Variants in CFDP1 observed in about 807,000 individuals in gnomAD.
CFDP1 encodes the protein heterochromatin-stabilizing protein CFDP1.
A neutral mutation model predicts 40.1 loss-of-function variants in CFDP1; 31 were observed. The ratio of observed to expected loss-of-function variants is 0.77; its 90% CI spans 0.58 to 1.04. CFDP1 has a LOEUF of 1.04. Among genes scored for constraint, CFDP1 ranks in the 50% least tolerant of loss-of-function variants. The probability of loss-of-function intolerance (pLI) is 0.00; values close to 1 mark genes in which losing one functional copy is unlikely to be tolerated. For missense variants in CFDP1, 423 were observed against 343.4 expected (o/e 1.23, Z -1.83); for synonymous variants, 167 against 120.0 (o/e 1.39, Z -2.56).
At chr16:75,401,428 C>CAAAAA (rs35178768) in intron 4 of CFDP1, among the ~76,000 whole-genome samples, 1 of 92,498 alleles carries the variant, frequency 1.1e-5, no homozygotes. Context: ...GACTCCGTCT[C>CAAAAA]AAAAAAAAAA....
intron 5 of CFDP1, among the ~76,000 whole-genome samples, chr16:75,353,257 G>C (rs1045946459): frequency 6.6e-6 from 1 of 152,078 alleles, no homozygotes; most frequent in Admixed American, 6.5e-5. Context: ...CACTGACTGG[G>C]TATTTGGTAA....
At chr16:75,370,437 T>C (rs2078743687) in intron 5 of CFDP1, among the ~76,000 whole-genome samples, 1 of 152,136 alleles carries the variant, frequency 6.6e-6, no homozygotes, top group Admixed American at 6.5e-5. Context: ...GGAATAGCAT[T>C]AGGAGATATA....
At position 75,369,382 on chromosome 16, in the gene CFDP1, C is replaced by CAA. The variant is rs201221569; in HGVS notation, c.650+25706_650+25707dup. ...TTAGCAATATAGCAAAAGTTCGCTT[C>CAA]AAAAAAAACAAAAACAAAACAACCC... On this transcript the variant is annotated intron_variant, in intron 5 of 6. Coordinates refer to ENST00000283882, the MANE Select transcript of CFDP1 (RefSeq NM_006324.3). Among the ~76,000 whole-genome samples the CAA allele has an allele frequency of 7.2e-5, 9 of 125,270 alleles. No individual in the cohort carries two copies. In the East Asian group the frequency reaches 9.4e-4, roughly 13 times the overall value. 82.2% of individuals were successfully genotyped at this position (125,270 alleles called of 152,430 possible).
intron 5 of CFDP1, among the ~76,000 whole-genome samples, chr16:75,356,814 T>C (rs542820504): frequency 6.6e-6 from 1 of 152,290 alleles, no homozygotes; most frequent in African/African-American, 2.4e-5. Context: ...TCATCAATTA[T>C]CTTAGCTGGA....
chr16:75,352,538 T>C (rs1032661764), intron 5 of CFDP1, among the ~76,000 whole-genome samples: 1 of 152,156 alleles, frequency 6.6e-6, no homozygotes, highest in African/African-American at 2.4e-5. Flanking sequence ...GTGTAATAAG[T>C]GTATCATAAT....
chr16:75,412,061 G>C (rs1386901101), intron 3 of CFDP1, 109 bp from the exon 4 acceptor site: 13 of 1,150,654 alleles, frequency 1.1e-5, no homozygotes, highest in Non-Finnish European at 1.5e-5. Flanking sequence ...TGTAGCCCAA[G>C]CTGGAGTGCA....
At chr16:75,358,130 C>G (rs8048677) in intron 5 of CFDP1, among the ~76,000 whole-genome samples, 125,633 of 152,116 alleles carry the variant, frequency 0.83, 52,061 homozygotes, top group Middle Eastern at 0.91. Flanking sequence ...ACTGATTGCA[C>G]ACCGCCATAA....
intron 5 of CFDP1, among the ~76,000 whole-genome samples, chr16:75,322,860 C>T (rs1597330532): frequency 6.6e-6 from 1 of 151,934 alleles, no homozygotes; most frequent in African/African-American, 2.4e-5. Flanking sequence ...AAAGGTACAG[C>T]TGTATAGGAA....
intron 5 of CFDP1, among the ~76,000 whole-genome samples, chr16:75,330,716 C>T (rs1339210267): frequency 6.6e-6 from 1 of 152,196 alleles, no homozygotes; most frequent in African/African-American, 2.4e-5. Flanking sequence ...CAATTTATTG[C>T]TCTTTTCCAT....
rs530899739 is a variant in CFDP1, at chr16:75,401,471, G to A, written c.531-6262C>T. Among the ~76,000 whole-genome samples, 114 of 151,476 alleles carry A rather than the reference G, an allele frequency of 7.5e-4. 1 individual carries two copies. Among genetic ancestry groups the A allele is most frequent in the African/African-American group, 2.7e-3 (111 of 41,304 alleles). On this transcript the variant is annotated intron_variant, in intron 4 of 6. Transcript: ENST00000283882. Reference sequence around the variant, plus strand: ...AAAAATTAGCTGGGCGTGGTAGCAGGTGCCTGTAATCCCAGCTGCTTGGGA... The same window carrying A: ...AAAAATTAGCTGGGCGTGGTAGCAGATGCCTGTAATCCCAGCTGCTTGGGA...
At chr16:75,388,125 C>A (rs1444853778) in intron 5 of CFDP1, among the ~76,000 whole-genome samples, 3 of 152,208 alleles carry the variant, frequency 2.0e-5, no homozygotes, top group Non-Finnish European at 4.4e-5. Context: ...TTCGACCAAT[C>A]ATCAACTATG....
At chr16:75,316,946 A>G (rs1413994426) in intron 5 of CFDP1, among the ~76,000 whole-genome samples, 2 of 152,176 alleles carry the variant, frequency 1.3e-5, no homozygotes, top group African/African-American at 4.8e-5. Context: ...GCACCACTGC[A>G]CTCCAGCCTG....
intron 5 of CFDP1, among the ~76,000 whole-genome samples, chr16:75,388,473 T>A (rs112438155): frequency 1.0e-3 from 152 of 152,234 alleles, no homozygotes; most frequent in Non-Finnish European, 1.9e-3. Flanking sequence ...ACAGGAACCA[T>A]GCAGGTAATA....
chr16:75,433,300 T>C lies in CFDP1; in HGVS notation c.53A>G (p.Tyr18Cys). ...GCGGAATCGCTCACCCGACGGCACG[T>C]AGTCCTCGTCCTCCTCCGACGTAGA... is the stretch of plus-strand genomic sequence containing the variant. ...DFSTSEEDED[Y>C]VPSGGEYSED... Residue 18 changes from tyrosine to cysteine, a missense_variant, in exon 1 of 7, where the codon TAC (tyrosine) becomes TGC (cysteine). Tyr to Cys is a radical substitution (Grantham distance 194). Transcript: ENST00000283882. The C allele has an allele frequency of 6.2e-7, 1 of 1,600,726 alleles. No individual in the cohort carries two copies. Among genetic ancestry groups the C allele is most frequent in the Non-Finnish European group, 8.5e-7 (1 of 1,174,922 alleles).
rs146607499 is a variant in CFDP1 at position 75,371,046 on chromosome 16, A to C, written c.650+24044T>G. Among the ~76,000 whole-genome samples, 1,059 of 152,308 alleles carry C rather than the reference A, an allele frequency of 7.0e-3. 10 individuals carry two copies. Among genetic ancestry groups the C allele is most frequent in the Middle Eastern group, 0.017 (5 of 294 alleles). On this transcript the variant is annotated intron_variant, in intron 5 of 6. Coordinates refer to ENST00000283882, the MANE Select transcript of CFDP1 (RefSeq NM_006324.3). The stretch of plus-strand genomic sequence containing the variant: ...AAGTGCAGAAAAAAGCCAATTCCAG[A>C]ATTGTAAAAAACAAACTATCACATG...
At chr16:75,429,738 G>A (rs1167658271) in intron 1 of CFDP1, among the ~76,000 whole-genome samples, 1 of 152,212 alleles carries the variant, frequency 6.6e-6, no homozygotes, top group Non-Finnish European at 1.5e-5. Context: ...TGTTTCAGAA[G>A]ATTAAAGTGA....
intron 6 of CFDP1, among the ~76,000 whole-genome samples, chr16:75,294,891 G>A (rs926886146): frequency 1.3e-5 from 2 of 152,192 alleles, no homozygotes; most frequent in Admixed American, 6.5e-5. Context: ...CTGAAGCACA[G>A]GCGCGCTTGC....
intron 6 of CFDP1, 136 bp downstream of exon 6, chr16:75,304,888 C>T (rs1385646638): frequency 3.1e-6 from 3 of 957,782 alleles, no homozygotes; most frequent in African/African-American, 3.3e-5. Flanking sequence ...GACTTACTGA[C>T]AAACCAAAGT....
intron 5 of CFDP1, among the ~76,000 whole-genome samples, chr16:75,368,190 C>T (rs8055609): frequency 0.83 from 125,850 of 152,210 alleles, 52,201 homozygotes; most frequent in Middle Eastern, 0.9. Context: ...AAAAAACTTA[C>T]GATACAATTA....
Sources: allele counts gnomAD v4.1 joint callset (sites outside exome capture counted in the v4.1 genomes callset), GRCh38; gene constraint gnomAD v4.1.1; transcripts MANE v1.5; gene names NCBI Gene and HGNC (gene_info 2026-07-23, HGNC 2026-07-21).